GLRA2: variants seen among roughly 807,000 people sequenced by gnomAD.
GLRA2 encodes glycine receptor alpha 2.
Under a neutral mutation model 31.6 loss-of-function variants are expected in GLRA2, and 11 were observed. The observed-to-expected ratio is 0.35, with a 90% CI of 0.22 to 0.58. The LOEUF (loss-of-function observed/expected upper bound fraction) is 0.58, where lower values mean the gene tolerates loss of function less well. Among genes scored for constraint, GLRA2 ranks in the 20% least tolerant of loss-of-function variants. The pLI, the probability that GLRA2 is intolerant of heterozygous loss-of-function variation, is 0.84. For synonymous variants in GLRA2, 132 were observed against 134.0 expected (o/e 0.99, Z 0.10); for missense variants, 212 against 351.8 (o/e 0.60, Z 3.18).
intron 7 of GLRA2, among the ~76,000 whole-genome samples, chrX:14,611,646 G>C (rs902806967): frequency 8.9e-6 from 1 of 112,006 alleles, no homozygotes; most frequent in African/African-American, 3.2e-5. Context: ...AAAAAAGAAG[G>C]TACTGAGCAT....
intron 2 of GLRA2, among the ~76,000 whole-genome samples, chrX:14,555,013 C>T (rs868627605): frequency 8.9e-6 from 1 of 112,111 alleles, no homozygotes; most frequent in African/African-American, 3.2e-5. Context: ...CCTACACTCA[C>T]GATCGTTTGA....
intron 8 of GLRA2, among the ~76,000 whole-genome samples, chrX:14,725,780 G>A (rs1354323671): frequency 8.9e-6 from 1 of 112,155 alleles, no homozygotes; most frequent in East Asian, 2.8e-4. Context: ...TAAAACTGAT[G>A]CATAAAATAC....
the GLRA2 span, among the ~76,000 whole-genome samples, chrX:14,498,451 T>TC: frequency 6.3e-5 from 7 of 110,845 alleles, no homozygotes; most frequent in South Asian, 2.6e-3. Context: ...GAAAGTATTT[T>TC]CCCCCCTAGG....
At chrX:14,692,793 T>C (rs1351582003) in intron 8 of GLRA2, among the ~76,000 whole-genome samples, 2 of 112,077 alleles carry the variant, frequency 1.8e-5, no homozygotes, top group Non-Finnish European at 3.8e-5. Context: ...TTTGAAATGC[T>C]GTGTGAAGGA....
At chrX:14,459,542 A>G in the GLRA2 span, among the ~76,000 whole-genome samples, 1 of 110,220 alleles carries the variant, frequency 9.1e-6, no homozygotes, top group South Asian at 3.9e-4. Context: ...ATCCTCTTTT[A>G]TTTCATTGAG....
At chrX:14,480,610 A>G in the GLRA2 span, among the ~76,000 whole-genome samples, 1 of 111,423 alleles carries the variant, frequency 9.0e-6, no homozygotes, top group Non-Finnish European at 1.9e-5. Flanking sequence ...CATTTATTGA[A>G]TAGGGAGTCC....
At chrX:14,640,581 C>CT (rs1256143064) in intron 7 of GLRA2, among the ~76,000 whole-genome samples, 1 of 110,754 alleles carries the variant, frequency 9.0e-6, no homozygotes, top group East Asian at 2.9e-4. Context: ...TTCTAGTGTC[C>CT]TAGGGGTAAC....
chrX:14,709,146 G>A (rs1433371897), intron 8 of GLRA2, among the ~76,000 whole-genome samples: 2 of 111,143 alleles, frequency 1.8e-5, no homozygotes, highest in East Asian at 5.7e-4. Flanking sequence ...GAGATGGGAG[G>A]ATCACGTAGG....
intron 7 of GLRA2, among the ~76,000 whole-genome samples, chrX:14,661,414 T>C (rs1248966851): frequency 9.0e-6 from 1 of 111,162 alleles, no homozygotes; most frequent in Non-Finnish European, 1.9e-5. Flanking sequence ...CAAAGAAGAG[T>C]TGTCAATTTC....
At chrX:14,607,582 G>A (rs2147095029) in intron 6 of GLRA2, among the ~76,000 whole-genome samples, 1 of 111,438 alleles carries the variant, frequency 9.0e-6, no homozygotes, top group African/African-American at 3.3e-5. Context: ...CCTCATTAGT[G>A]GTGCAGAAAA....
At chrX:14,688,928 C>T (rs886220643) in intron 7 of GLRA2, among the ~76,000 whole-genome samples, 3 of 111,716 alleles carry the variant, frequency 2.7e-5, no homozygotes, top group Non-Finnish European at 1.9e-5. Context: ...TGTTCCTATT[C>T]GGCCATCTTG....
intron 8 of GLRA2, among the ~76,000 whole-genome samples, chrX:14,724,192 G>A (rs757144401): frequency 8.9e-6 from 1 of 111,990 alleles, no homozygotes; most frequent in East Asian, 2.8e-4. Flanking sequence ...TTGTGTGTGT[G>A]TATAATTTGT....
At position 14,604,385 on chromosome X, in the gene GLRA2, C is replaced by G. The variant is rs1274461175; in HGVS notation, c.565C>G (p.Gln189Glu). Residue 189 changes from glutamine (Q) to glutamate (E), a missense_variant, in exon 5 of 9, where the codon CAG (glutamine) becomes GAG (glutamate). Gln to Glu is a conservative substitution (Grantham distance 29). This residue lies in a region of GLRA2 where 110 missense variants were observed against 232.6 expected (regional missense o/e 0.47). Coordinates refer to ENST00000218075, the MANE Select transcript of GLRA2 (RefSeq NM_002063.4). Reference sequence around the variant, plus strand: ...GATGGATGTCCAGACCTGTACAATGCAGCTGGAGAGTTGTAAGTCACCACT... The same window carrying G: ...GATGGATGTCCAGACCTGTACAATGGAGCTGGAGAGTTGTAAGTCACCACT... ...FPMDVQTCTMQLESFGYTMND... is the reference protein window; with the variant it reads ...FPMDVQTCTMELESFGYTMND... 1 of 1,143,789 alleles carries G rather than the reference C, an allele frequency of 8.7e-7. No individual in the cohort carries two copies. The allele number at this position is 1,143,789 out of a possible 1,213,427, so 94.3% of individuals were successfully genotyped here.
upstream of GLRA2, among the ~76,000 whole-genome samples, chrX:14,528,407 C>T (rs1418730884): frequency 8.9e-6 from 1 of 111,979 alleles, no homozygotes; most frequent in Non-Finnish European, 1.9e-5. Context: ...AAAATTAAGA[C>T]CTCCAGTAAA....
chrX:14,468,189 A>G, the GLRA2 span, among the ~76,000 whole-genome samples: 1 of 112,327 alleles, frequency 8.9e-6, no homozygotes, highest in Non-Finnish European at 1.9e-5. Context: ...AATGATCACC[A>G]GGCAGGGAGT....
chrX:14,714,033 T>G (rs1011623345), intron 8 of GLRA2, among the ~76,000 whole-genome samples: 2 of 111,156 alleles, frequency 1.8e-5, no homozygotes, highest in Non-Finnish European at 3.8e-5. Flanking sequence ...CAGACCAGCA[T>G]GTAGTGTTGG....
chrX:14,687,874 G>T (rs2147178696), intron 7 of GLRA2, among the ~76,000 whole-genome samples: 1 of 112,280 alleles, frequency 8.9e-6, no homozygotes, highest in South Asian at 3.7e-4. Context: ...GGGGAGAGGT[G>T]CTCTGATTTT....
intron 2 of GLRA2, among the ~76,000 whole-genome samples, chrX:14,542,325 C>G (rs1187721159): frequency 1.8e-5 from 2 of 111,988 alleles, no homozygotes; most frequent in African/African-American, 6.5e-5. Context: ...AACATACAAC[C>G]CATGTTCACT....
chrX:14,589,750 G>T (rs867373828), intron 4 of GLRA2, among the ~76,000 whole-genome samples: 1 of 98,259 alleles, frequency 1.0e-5, no homozygotes, highest in Admixed American at 1.1e-4. Flanking sequence ...GTATATATAT[G>T]TGTGTATATA....
Sources: gnomAD v4.1 joint callset for allele counts (sites outside exome capture counted in the v4.1 genomes callset) on GRCh38, gnomAD v4.1.1 for gene constraint, gnomAD v4.1.1 regional missense constraint, MANE v1.5 for transcripts, NCBI Gene and HGNC (gene_info 2026-07-23, HGNC 2026-07-21) for gene names.